The following RALGPS1 variants were observed in gnomAD, a reference collection of about 807,000 sequenced individuals.
The protein encoded by RALGPS1 is Ral GEF with PH domain and SH3 binding motif 1.
RALGPS1 carries 19 observed loss-of-function variants against 78.8 expected under a neutral mutation model. That is an observed-to-expected ratio of 0.24 (90% confidence interval 0.17 to 0.35). The LOEUF is 0.35. Ranked by LOEUF, RALGPS1 falls within the 10% of genes least tolerant of loss-of-function variation. RALGPS1 has a pLI of 1.00. For synonymous variants in RALGPS1, 228 were observed against 256.3 expected, an observed-to-expected ratio of 0.89 and a Z score of 1.06; for missense variants, 454 against 688.3, an observed-to-expected ratio of 0.66 and a Z score of 3.81.
rs1449509381 is a variant in RALGPS1 at position 126,914,819 on chromosome 9, C to CCG, written c.-221_-220dup. ...GGACGGTTCCTACTGCGGCTGGGCA[C>CCG]CGGCTCCGCTCCCGCGTCTGCCCGC... On this transcript the variant is annotated 5_prime_UTR_variant, in exon 1 of 19. Transcript: ENST00000259351. 1 of 152,264 alleles carries CCG rather than the reference C, an allele frequency of 6.6e-6. No homozygotes were observed. The highest frequency in any genetic ancestry group is 2.4e-5 in the African/African-American group (1 of 41,446). 9.4% of individuals were successfully genotyped at this position (152,264 alleles called of 1,614,324 possible). A position where few individuals can be genotyped will look rare whatever the true frequency, so the allele number is the denominator to read the frequency against.
chr9:127,192,425 T>A (rs2789519), intron 11 of RALGPS1, among the ~76,000 whole-genome samples: 4,656 of 152,290 alleles, frequency 0.031, 110 homozygotes, highest in African/African-American at 0.054. Flanking sequence ...CTGCACTTGA[T>A]GCATCTTAGG....
intron 8 of RALGPS1, among the ~76,000 whole-genome samples, chr9:127,162,456 G>A (rs898270903): frequency 1.3e-5 from 2 of 152,202 alleles, no homozygotes; most frequent in African/African-American, 4.8e-5. Flanking sequence ...TTTGTGCAGC[G>A]TTAACTGTAG....
intron 14 of RALGPS1, among the ~76,000 whole-genome samples, chr9:127,203,975 C>A (rs969223233): frequency 1.3e-5 from 2 of 152,152 alleles, no homozygotes; most frequent in Non-Finnish European, 2.9e-5. Context: ...CTCTGGAGTT[C>A]TCCGTTGACC....
intron 10 of RALGPS1, among the ~76,000 whole-genome samples, chr9:127,173,450 C>A (rs1006207569): frequency 6.6e-6 from 1 of 152,206 alleles, no homozygotes; most frequent in Non-Finnish European, 1.5e-5. Context: ...AACTCTAATT[C>A]TTTGAAGTTC....
At chr9:127,108,078 G>T (rs1219056486) in intron 8 of RALGPS1, 1 of 1,610,460 alleles carries the variant, frequency 6.2e-7, no homozygotes, top group South Asian at 1.1e-5. Context: ...GCGGGGCAGC[G>T]GGGGGTGGCT....
chr9:126,922,670 C>A (rs1185307333), intron 1 of RALGPS1, among the ~76,000 whole-genome samples: 1 of 152,204 alleles, frequency 6.6e-6, no homozygotes, highest in Non-Finnish European at 1.5e-5. Context: ...ACTGGGCTCC[C>A]ACAACTCTCT....
chr9:127,091,236 A>G lies in RALGPS1; in HGVS notation c.610+21880A>G, dbSNP rs944457256. On this transcript the variant is annotated intron_variant, in intron 8 of 18. Coordinates refer to ENST00000259351, the MANE Select transcript of RALGPS1 (RefSeq NM_014636.3). The surrounding 1 kb of genome is among the most constrained non-coding windows in gnomAD (Gnocchi z 4.3). The stretch of plus-strand genomic sequence containing the variant: ...AAACTGAGACCCACGGAGATTTAGC[A>G]GTATGCCCAAGGACACATGGCTGGT... 2.0e-5 allele frequency among the ~76,000 whole-genome samples: 3 copies of G among 152,232 alleles called. No homozygotes were observed. Among genetic ancestry groups the G allele is most frequent in the African/African-American group, 7.2e-5 (3 of 41,462 alleles).
At chr9:126,948,738 G>C (rs907032332) in intron 1 of RALGPS1, among the ~76,000 whole-genome samples, 2 of 151,838 alleles carry the variant, frequency 1.3e-5, no homozygotes, top group African/African-American at 4.8e-5. Context: ...ATTCAGCTCC[G>C]TAAACATAGG....
chr9:126,999,671 A>G (rs978148189), intron 4 of RALGPS1, among the ~76,000 whole-genome samples: 1 of 152,080 alleles, frequency 6.6e-6, no homozygotes, highest in African/African-American at 2.4e-5. Flanking sequence ...ATTTCTTTTT[A>G]GTGCTGAATA....
chr9:126,988,552 G>A (rs1227935187), intron 4 of RALGPS1, among the ~76,000 whole-genome samples: 2 of 152,206 alleles, frequency 1.3e-5, no homozygotes, highest in Non-Finnish European at 2.9e-5. Context: ...GACTGCAGGT[G>A]TATGCCACCA....
chr9:127,170,089 G>T (rs536137669), intron 10 of RALGPS1, among the ~76,000 whole-genome samples: 11 of 152,004 alleles, frequency 7.2e-5, no homozygotes, highest in Non-Finnish European at 1.3e-4. Context: ...TTCCAGTTTT[G>T]TGTCTGTGAA....
intron 4 of RALGPS1, among the ~76,000 whole-genome samples, chr9:127,003,954 T>A (rs1289658708): frequency 2.0e-5 from 3 of 152,202 alleles, no homozygotes; most frequent in Non-Finnish European, 4.4e-5. Context: ...CTCAGCACAT[T>A]TATCCTCTTT....
rs191524784 is a variant in RALGPS1, at chr9:127,086,427, G to A, written c.610+17071G>A. 4.4e-3 allele frequency among the ~76,000 whole-genome samples: 665 copies of A among 152,170 alleles called. 3 individuals are homozygous for A. The highest frequency in any genetic ancestry group is 0.015 in the African/African-American group (628 of 41,504). On this transcript the variant is annotated intron_variant, in intron 8 of 18. Transcript: ENST00000259351. ...TCTCTGCCAATCTGACAGGCCACACGTCATGGTTTATCCTTCACTTATAGC... is the reference window on the plus strand; with the variant it reads ...TCTCTGCCAATCTGACAGGCCACACATCATGGTTTATCCTTCACTTATAGC...
chr9:127,029,034 A>G (rs149804723), intron 4 of RALGPS1, among the ~76,000 whole-genome samples: 3 of 152,112 alleles, frequency 2.0e-5, no homozygotes, highest in Non-Finnish European at 4.4e-5. Flanking sequence ...TAGACCCCCA[A>G]CTTCCACACA....
chr9:127,133,877 A>C (rs2057199272), intron 8 of RALGPS1, among the ~76,000 whole-genome samples: 1 of 151,886 alleles, frequency 6.6e-6, no homozygotes, highest in African/African-American at 2.4e-5. Flanking sequence ...TTGGGCCCCC[A>C]GCACCCACTG....
At chr9:126,977,808 G>A (rs1008957163) in intron 4 of RALGPS1, 63 bp downstream of exon 4, 2 of 1,229,642 alleles carry the variant, frequency 1.6e-6, no homozygotes, top group Non-Finnish European at 1.2e-6. Context: ...GATTTAGCCA[G>A]CCACTGTTAG....
intron 3 of RALGPS1, among the ~76,000 whole-genome samples, chr9:126,969,551 C>T (rs542676723): frequency 3.9e-5 from 6 of 152,294 alleles, no homozygotes; most frequent in South Asian, 4.1e-4. Flanking sequence ...CTTTAGAGGA[C>T]GTCATGGATC....
intron 4 of RALGPS1, among the ~76,000 whole-genome samples, chr9:127,001,890 TA>T (rs200347183): frequency 0.027 from 4,174 of 152,062 alleles, 53 homozygotes; most frequent in Middle Eastern, 0.048. Context: ...ATCTCAAAAA[TA>T]AAAAATAAAA....
chr9:126,972,404 G>A (rs2040203749), intron 3 of RALGPS1, among the ~76,000 whole-genome samples: 1 of 152,182 alleles, frequency 6.6e-6, no homozygotes, highest in Admixed American at 6.5e-5. Flanking sequence ...GAGGGAAAGT[G>A]TCTATTAAAT....
Sources: allele counts gnomAD v4.1 joint callset (sites outside exome capture counted in the v4.1 genomes callset), GRCh38; gene constraint gnomAD v4.1.1; non-coding constraint Gnocchi (gnomAD v3.1); transcripts MANE v1.5; gene names NCBI Gene and HGNC (gene_info 2026-07-23, HGNC 2026-07-21).